CPNE4: variants seen among roughly 807,000 people sequenced by gnomAD.
CPNE4 encodes the protein copine-4.
Under a neutral mutation model 67.9 loss-of-function variants are expected in CPNE4, and 25 were observed. That is an observed-to-expected ratio of 0.37 (90% CI 0.27 to 0.51). The LOEUF is 0.51. Among genes scored for constraint, CPNE4 ranks in the 20% least tolerant of loss-of-function variants. CPNE4 has a pLI of 0.93. For synonymous variants in CPNE4, 242 were observed against 244.9 expected, an observed-to-expected ratio of 0.99 and a Z score of 0.11; for missense variants, 464 against 690.8, an observed-to-expected ratio of 0.67 and a Z score of 3.68.
chr3:131,770,715 T>C (rs1293999080), intron 2 of CPNE4, among the ~76,000 whole-genome samples: 1 of 152,222 alleles, frequency 6.6e-6, no homozygotes, highest in East Asian at 1.9e-4. Context: ...CTAAAGTTGA[T>C]ATTCTGAGAT....
chr3:131,955,822 T>C (rs2071950250), intron 1 of CPNE4, among the ~76,000 whole-genome samples: 1 of 152,188 alleles, frequency 6.6e-6, no homozygotes, highest in Non-Finnish European at 1.5e-5. Context: ...GTACATCTTT[T>C]CTTGCCTCAC....
At chr3:131,751,723 A>G (rs2082630120) in intron 2 of CPNE4, among the ~76,000 whole-genome samples, 1 of 150,012 alleles carries the variant, frequency 6.7e-6, no homozygotes, top group Non-Finnish European at 1.5e-5. Context: ...TTTTGTATGT[A>G]TTTTGAGACT....
chr3:131,808,971 T>A (rs1369207256), intron 2 of CPNE4, among the ~76,000 whole-genome samples: 1 of 152,192 alleles, frequency 6.6e-6, no homozygotes, highest in Non-Finnish European at 1.5e-5. Context: ...AAGTAGCCTG[T>A]GGTTTTTCTA....
chr3:131,586,252 G>A (rs1182929543), intron 8 of CPNE4, among the ~76,000 whole-genome samples: 1 of 152,180 alleles, frequency 6.6e-6, no homozygotes, highest in African/African-American at 2.4e-5. Context: ...GAGTAAGAAC[G>A]GCAGGTGTCT....
chr3:131,606,904 A>G (rs1939543277), intron 7 of CPNE4, among the ~76,000 whole-genome samples: 1 of 151,654 alleles, frequency 6.6e-6, no homozygotes, highest in African/African-American at 2.4e-5. Context: ...CTTATTTTCT[A>G]CATCACTTAG....
At chr3:131,883,778 ATTG>A (rs200746142) in intron 2 of CPNE4, among the ~76,000 whole-genome samples, 1,820 of 152,354 alleles carry the variant, frequency 0.012, 17 homozygotes, top group Non-Finnish European at 0.015. Context: ...ACAATACAGT[ATTG>A]TTAACTGTAG....
intron 2 of CPNE4, among the ~76,000 whole-genome samples, chr3:131,807,110 T>A (rs2084344800): frequency 6.6e-6 from 1 of 152,180 alleles, no homozygotes; most frequent in African/African-American, 2.4e-5. Flanking sequence ...TATTCTATGC[T>A]GCCAGTGCCT....
At chr3:131,963,813 G>C (rs1175546324) in intron 1 of CPNE4, among the ~76,000 whole-genome samples, 3 of 152,204 alleles carry the variant, frequency 2.0e-5, no homozygotes, top group Admixed American at 6.5e-5. Context: ...CACTACGGCA[G>C]ACTTAAATAT....
chr3:131,586,606 T>C (rs986321243), intron 8 of CPNE4, among the ~76,000 whole-genome samples: 1 of 152,154 alleles, frequency 6.6e-6, no homozygotes, highest in African/African-American at 2.4e-5. Context: ...TAAAACAGGC[T>C]CCAGCAGATA....
intron 7 of CPNE4, among the ~76,000 whole-genome samples, chr3:131,612,389 G>A (rs1188146351): frequency 6.6e-6 from 1 of 152,036 alleles, no homozygotes; most frequent in African/African-American, 2.4e-5. Flanking sequence ...AAAAATACTA[G>A]TGTTTCTTTT....
intron 2 of CPNE4, among the ~76,000 whole-genome samples, chr3:131,857,096 G>C (rs1377302001): frequency 6.6e-6 from 1 of 151,950 alleles, no homozygotes; most frequent in Non-Finnish European, 1.5e-5. Flanking sequence ...TTGCTTCAAG[G>C]ATTGTGCAAT....
intron 2 of CPNE4, among the ~76,000 whole-genome samples, chr3:131,734,767 T>C (rs1306711013): frequency 6.6e-6 from 1 of 152,118 alleles, no homozygotes; most frequent in Non-Finnish European, 1.5e-5. Flanking sequence ...GGCACACTCT[T>C]GTAGTCCCTG....
chr3:131,894,994 T>G (rs1341798041), intron 2 of CPNE4, among the ~76,000 whole-genome samples: 1 of 152,010 alleles, frequency 6.6e-6, no homozygotes, highest in Admixed American at 6.6e-5. Flanking sequence ...GATAAGATAG[T>G]GTGATATATT....
intron 5 of CPNE4, among the ~76,000 whole-genome samples, chr3:131,695,235 C>T (rs1033519792): frequency 6.6e-6 from 1 of 152,172 alleles, no homozygotes; most frequent in Non-Finnish European, 1.5e-5. Flanking sequence ...GTTTCCAGCA[C>T]TGGGGCATTC....
intron 2 of CPNE4, among the ~76,000 whole-genome samples, chr3:131,754,709 T>C (rs1270715792): frequency 1.3e-5 from 2 of 152,148 alleles, no homozygotes; most frequent in Non-Finnish European, 2.9e-5. Context: ...GTTGAAGTTG[T>C]ATAAATCAGG....
At chr3:131,612,204 T>C (rs1207116467) in intron 7 of CPNE4, among the ~76,000 whole-genome samples, 1 of 152,100 alleles carries the variant, frequency 6.6e-6, no homozygotes, top group Non-Finnish European at 1.5e-5. Context: ...TGAAACCCCA[T>C]GTCTACTAGA....
intron 1 of CPNE4, among the ~76,000 whole-genome samples, chr3:131,926,379 G>T (rs187798879): frequency 3.3e-5 from 5 of 152,096 alleles, no homozygotes; most frequent in Admixed American, 2.6e-4. Context: ...GACACACTAA[G>T]AATTTAAGAT....
At chr3:131,777,889 G>A (rs1583182055) in intron 2 of CPNE4, among the ~76,000 whole-genome samples, 1 of 152,002 alleles carries the variant, frequency 6.6e-6, no homozygotes, top group Non-Finnish European at 1.5e-5. Context: ...CTTTATTGCA[G>A]CTGTTGGTTA....
chr3:131,858,613 C>A (rs1171416673), intron 2 of CPNE4, among the ~76,000 whole-genome samples: 1 of 152,026 alleles, frequency 6.6e-6, no homozygotes, highest in African/African-American at 2.4e-5. Context: ...CATTTTTCTC[C>A]CTTGAATGTC....
Sources: gnomAD v4.1 joint callset for allele counts (sites outside exome capture counted in the v4.1 genomes callset) on GRCh38, gnomAD v4.1.1 for gene constraint, MANE v1.5 for transcripts, NCBI Gene and HGNC (gene_info 2026-07-23, HGNC 2026-07-21) for gene names.